MICAL3: variants seen among roughly 807,000 people sequenced by gnomAD.
The protein encoded by MICAL3 is microtubule associated monooxygenase, calponin and LIM domain containing 3, also known as [F-actin]-monooxygenase MICAL3.
In MICAL3, 62 loss-of-function variants were observed where a neutral mutation model predicts 207.4. The ratio of observed to expected loss-of-function variants is 0.30; its 90% confidence interval spans 0.24 to 0.37. The LOEUF (loss-of-function observed/expected upper bound fraction) is 0.37. Ranked by LOEUF, MICAL3 falls within the 10% of genes least tolerant of loss-of-function variation. The pLI, the probability that MICAL3 is intolerant of heterozygous loss-of-function variation, is 1.00. For synonymous variants in MICAL3, 1,077 were observed against 1,069.3 expected (o/e 1.01, Z -0.14); for missense variants, 2,368 against 2,635.6 (o/e 0.90, Z 2.22).
chr22:17,976,907 C>CA (rs1935684647), intron 1 of MICAL3, among the ~76,000 whole-genome samples: 1 of 151,310 alleles, frequency 6.6e-6, no homozygotes, highest in South Asian at 2.1e-4. Flanking sequence ...CCCAGGTTCA[C>CA]GCCATTCTCC....
At chr22:17,797,335 TACA>T (rs1045013660) in intron 29 of MICAL3, among the ~76,000 whole-genome samples, 12 of 152,228 alleles carry the variant, frequency 7.9e-5, no homozygotes, top group East Asian at 3.9e-4. Flanking sequence ...ACCCCGTCTC[TACA>T]ACAATTAGCT....
rs772667214 is a variant in MICAL3 at position 17,895,420 on chromosome 22, C to G, written c.1323-10G>C. ...CCTGTAAATACTTTCCCTGCAATAA[C>G]ACAACAATATACTCAGAATCGGGAC... On this transcript the variant is annotated splice_polypyrimidine_tract_variant and intron_variant, in intron 9 of 31. Transcript: ENST00000441493. 6.2e-7 allele frequency: 1 copy of G among 1,613,352 alleles called. No individual in the cohort carries two copies. The highest frequency in any genetic ancestry group is 1.7e-5 in the Admixed American group (1 of 59,982).
In MICAL3 at chr22:17,822,307, G is replaced by A. The variant is rs1030340899; in HGVS notation, c.3308-137C>T. On this transcript the variant is annotated intron_variant, in intron 23 of 31. Transcript: ENST00000441493. ...AGGCCTGGAGGCCCTTCTTACGCAG[G>A]GACAGACCTGCCTACCAGACCACCC... is the stretch of plus-strand genomic sequence containing the variant. 48 of 1,148,074 alleles carry A rather than the reference G, an allele frequency of 4.2e-5. No individual in the cohort carries two copies. The African/African-American group carries it at 7.5e-4, about 18-fold the overall frequency. 71.1% of individuals were successfully genotyped at this position (1,148,074 alleles called of 1,614,324 possible).
intron 1 of MICAL3, among the ~76,000 whole-genome samples, chr22:17,951,295 G>A (rs1934339134): frequency 6.6e-6 from 1 of 152,178 alleles, no homozygotes; most frequent in Admixed American, 6.5e-5. Flanking sequence ...CCGTCATTCA[G>A]TGAGCCACAC....
At chr22:17,821,374 T>C in intron 25 of MICAL3, 53 bp downstream of exon 25, 1 of 1,458,484 alleles carries the variant, frequency 6.9e-7, no homozygotes, top group African/African-American at 1.4e-5. Flanking sequence ...TTAATATGTG[T>C]CCTTGGGGTC....
intron 19 of MICAL3, among the ~76,000 whole-genome samples, chr22:17,843,045 T>C (rs980268399): frequency 1.5e-5 from 2 of 136,770 alleles, no homozygotes; most frequent in Non-Finnish European, 3.0e-5. Flanking sequence ...GGTGTGAACC[T>C]GGGAGGCGGA....
At chr22:17,996,724 G>C (rs1045831378) in intron 1 of MICAL3, among the ~76,000 whole-genome samples, 13 of 152,162 alleles carry the variant, frequency 8.5e-5, no homozygotes, top group Non-Finnish European at 1.0e-4. Flanking sequence ...CTGGAGAGAG[G>C]GGGAAGTCCA....
At chr22:17,921,499 T>TTG (rs1932799293) in intron 1 of MICAL3, among the ~76,000 whole-genome samples, 1 of 152,164 alleles carries the variant, frequency 6.6e-6, no homozygotes, top group Non-Finnish European at 1.5e-5. Flanking sequence ...ATCTTTTCTT[T>TTG]TGTGTGTGTG....
intron 24 of MICAL3, 121 bp downstream of exon 24, chr22:17,821,909 C>G: frequency 7.8e-7 from 1 of 1,287,602 alleles, no homozygotes; most frequent in Non-Finnish European, 1.1e-6. Context: ...CTGCCCACAC[C>G]TCGGAGGCTG....
chr22:17,964,096 T>C (rs1383884933), intron 1 of MICAL3, among the ~76,000 whole-genome samples: 1 of 152,174 alleles, frequency 6.6e-6, no homozygotes, highest in African/African-American at 2.4e-5. Flanking sequence ...TGCTTCCTAA[T>C]CTCAGTCTCC....
At chr22:17,844,115 G>A (rs1476632706) in intron 19 of MICAL3, among the ~76,000 whole-genome samples, 3 of 152,178 alleles carry the variant, frequency 2.0e-5, no homozygotes, top group African/African-American at 7.2e-5. Context: ...CAAAGTGCTG[G>A]GATTACAAGC....
intron 28 of MICAL3, 138 bp from the exon 29 acceptor site, chr22:17,809,075 G>C: frequency 2.9e-6 from 2 of 697,078 alleles, no homozygotes; most frequent in Non-Finnish European, 4.8e-6. Context: ...GTGCGCTCAG[G>C]GTGTGGCGTG....
chr22:17,843,557 C>A (rs1924291361), intron 19 of MICAL3, among the ~76,000 whole-genome samples: 1 of 152,226 alleles, frequency 6.6e-6, no homozygotes, highest in Non-Finnish European at 1.5e-5. Flanking sequence ...CCACCCACCT[C>A]CCAGAGCCGT....
chr22:17,902,594 CCT>C lies in MICAL3; in HGVS notation c.589+35_589+36del. 7.9e-7 allele frequency: 1 copy of C among 1,266,614 alleles called. No homozygotes were observed. Among genetic ancestry groups the C allele is most frequent in the Non-Finnish European group, 1.1e-6 (1 of 885,150 alleles). The allele number at this position is 1,266,614 out of a possible 1,614,324, so 78.5% of individuals were successfully genotyped here. ...TCTCATCTTCCTCACCCATCAACAC[CCT>C]CTCACGCCTTCTTCACTCCTCCAGT... is the stretch of plus-strand genomic sequence containing the variant. On this transcript the variant is annotated intron_variant, in intron 4 of 31. Coordinates refer to ENST00000441493, the MANE Select transcript of MICAL3 (RefSeq NM_015241.3). This position sits in a 1 kb window ranked among gnomAD's most constrained non-coding sequence, Gnocchi z 4.5.
chr22:17,864,549 G>A (rs1224479212), intron 19 of MICAL3: 8 of 1,442,338 alleles, frequency 5.5e-6, no homozygotes, highest in Admixed American at 2.7e-5. Flanking sequence ...GCGCCTGCGA[G>A]CTCCTGTCTA....
In MICAL3 at chr22:17,893,828, G is replaced by A. The variant is rs745509741; in HGVS notation, c.1526C>T (p.Thr509Ile). Residue 509 changes from threonine (T) to isoleucine (I), a missense_variant, in exon 11 of 32, where the codon ACC (threonine) becomes ATC (isoleucine). Coordinates refer to ENST00000441493, the MANE Select transcript of MICAL3 (RefSeq NM_015241.3). ...EMESLVNSRT[T>I]PKLTRNESVA... ...CTCACCATTGCGAGTCAATTTGGGG[G>A]TGGTTCGGGAATTCACCAGGCTCTC... 3 of 1,576,312 alleles carry A rather than the reference G, an allele frequency of 1.9e-6. No homozygotes were observed. Among genetic ancestry groups the A allele is most frequent in the African/African-American group, 1.4e-5 (1 of 74,062 alleles).
chr22:17,903,218 A>G lies in MICAL3; in HGVS notation c.473-471T>C, dbSNP rs1931459880. Among the ~76,000 whole-genome samples the G allele has an allele frequency of 2.0e-5, 3 of 152,222 alleles. No individual in the cohort carries two copies. The South Asian group carries it at 6.2e-4, about 32-fold the overall frequency. ...CCCTGGTTGATCATCACACATTCTT[A>G]TAAGGCAAGGAAGGGAAATCGCAAT... On this transcript the variant is annotated intron_variant, in intron 3 of 31. Transcript: ENST00000441493.
chr22:17,880,759 G>A (rs889538151), intron 16 of MICAL3, among the ~76,000 whole-genome samples: 1 of 152,200 alleles, frequency 6.6e-6, no homozygotes, highest in South Asian at 2.1e-4. Flanking sequence ...GATGCTGAAT[G>A]GGCAAGAGGC....
intron 25 of MICAL3, 105 bp from the exon 26 acceptor site, chr22:17,819,234 G>A (rs1921276660): frequency 2.5e-6 from 3 of 1,181,572 alleles, no homozygotes; most frequent in Non-Finnish European, 3.3e-6. Context: ...TGTGCCTGCT[G>A]CAGGACTTCC....
Sources: gnomAD v4.1 joint callset for allele counts (sites outside exome capture counted in the v4.1 genomes callset) on GRCh38, gnomAD v4.1.1 for gene constraint, Gnocchi (gnomAD v3.1) non-coding constraint, MANE v1.5 for transcripts, NCBI Gene and HGNC (gene_info 2026-07-23, HGNC 2026-07-21) for gene names.